The following AJUBA variants were observed in gnomAD, a reference collection of about 807,000 sequenced individuals.
The protein encoded by AJUBA is LIM domain-containing protein ajuba.
Under a neutral mutation model 53.3 loss-of-function variants are expected in AJUBA, and 20 were observed. That is an observed-to-expected ratio of 0.38 (90% CI 0.26 to 0.55). The LOEUF (loss-of-function observed/expected upper bound fraction) is 0.55, where lower values mean the gene tolerates loss of function less well. Ranked by LOEUF, AJUBA falls within the 20% of genes least tolerant of loss-of-function variation. The probability of loss-of-function intolerance (pLI) is 0.80; values close to 1 mark genes in which losing one functional copy is unlikely to be tolerated. For synonymous variants in AJUBA, 296 were observed against 306.2 expected (o/e 0.97, Z 0.35); for missense variants, 580 against 730.5 (o/e 0.79, Z 2.38).
intron 1 of AJUBA, among the ~76,000 whole-genome samples, chr14:22,980,032 A>C (rs151030168): frequency 0.011 from 1,639 of 151,992 alleles, 34 homozygotes; most frequent in African/African-American, 0.038. Flanking sequence ...TTATGCCCTT[A>C]TAGCCTGCCG....
chr14:22,974,561 T>C, intron 6 of AJUBA: 2 of 480,452 alleles, frequency 4.2e-6, no homozygotes, highest in Non-Finnish European at 7.5e-6. Context: ...TTCCAGCCCC[T>C]ACATCTGCAG....
rs112005383 is a variant in AJUBA, at chr14:22,975,847, C to CA, written c.1239+608dup. On this transcript the variant is annotated intron_variant, in intron 4 of 7. Coordinates refer to ENST00000262713, the MANE Select transcript of AJUBA (RefSeq NM_032876.6). ...TGGGCAACAGAGTGAGACTCCATCT[C>CA]AAAAAAAAAAAAAAGAAGACGACTC... The CA allele has an allele frequency of 6.4e-3, 668 of 104,878 alleles. 4 individuals are homozygous for CA. The highest frequency in any genetic ancestry group is 0.011 in the African/African-American group (274 of 25,356). 6.5% of individuals were successfully genotyped at this position (104,878 alleles called of 1,614,324 possible). A position where few individuals can be genotyped will look rare whatever the true frequency, so the allele number is the denominator to read the frequency against.
In AJUBA at chr14:22,974,553, C is replaced by T. The variant is rs2045015947; in HGVS notation, c.1422+286G>A. The T allele has an allele frequency of 6.4e-6, 3 of 469,926 alleles. No homozygotes were observed. The South Asian group carries it at 8.9e-5, about 14-fold the overall frequency. 29.1% of individuals were successfully genotyped at this position (469,926 alleles called of 1,614,324 possible). On this transcript the variant is annotated intron_variant, in intron 6 of 7. Coordinates refer to ENST00000262713, the MANE Select transcript of AJUBA (RefSeq NM_032876.6). Reference sequence around the variant, plus strand: ...TGCTGAGGATTCTTCCCACCTTTTTCCAGCCCCTACATCTGCAGTCTGGTG... The same window carrying T: ...TGCTGAGGATTCTTCCCACCTTTTTTCAGCCCCTACATCTGCAGTCTGGTG...
rs774662572 is a variant in AJUBA at position 22,974,829 on chromosome 14, A to C, written c.1422+10T>G. 6.2e-6 allele frequency: 10 copies of C among 1,610,578 alleles called. No individual in the cohort carries two copies. The South Asian group carries it at 1.1e-4, about 18-fold the overall frequency. On this transcript the variant is annotated intron_variant, in intron 6 of 7. Coordinates refer to ENST00000262713, the MANE Select transcript of AJUBA (RefSeq NM_032876.6). ...CTGGCTGCCCTGAAGGAGAACCCAG[A>C]CATACTGACCTCAGAGGGGAGGATG...
chr14:22,981,111 G>A, intron 1 of AJUBA, 150 bp downstream of exon 1: 1 of 988,282 alleles, frequency 1.0e-6, no homozygotes, highest in Non-Finnish European at 1.5e-6. Flanking sequence ...CAGTGCTCTG[G>A]GGCCGCCCCC....
rs752261469 is a variant in AJUBA at position 22,975,074 on chromosome 14, G to T, written c.1270C>A (p.Pro424Thr). ...CAAACAATGCATCGGAAACAGCCTG[G>T]ATGATAGGACTTCCCCATTGCTTGT... The part of the protein sequence containing the change: ...ILQAMGKSYH[P>T]GCFRCIVCNK... Residue 424 changes from proline to threonine, a missense_variant, in exon 5 of 8, where the codon CCA (proline) becomes ACA (threonine). Pro to Thr is a conservative substitution (Grantham distance 38, BLOSUM62 -1). This residue lies in a region of AJUBA where 150 missense variants were observed against 259.0 expected (regional missense o/e 0.58). Transcript: ENST00000262713. 1.2e-6 allele frequency: 2 copies of T among 1,613,814 alleles called. No individual in the cohort carries two copies. Among genetic ancestry groups the T allele is most frequent in the Non-Finnish European group, 1.7e-6 (2 of 1,179,902 alleles).
chr14:22,974,764 C>G, intron 6 of AJUBA, 75 bp downstream of exon 6: 7 of 1,497,002 alleles, frequency 4.7e-6, no homozygotes. Flanking sequence ...GGCAGGAGGC[C>G]AGGCAGCATG....
chr14:22,976,148 CAAAAA>C (rs1214094875), intron 4 of AJUBA, among the ~76,000 whole-genome samples: 1 of 83,398 alleles, frequency 1.2e-5, no homozygotes, highest in African/African-American at 4.5e-5. Flanking sequence ...GACTCTGTCT[CAAAAA>C]AAAAAAAAAA....
chr14:22,978,216 G>T, intron 2 of AJUBA, 128 bp downstream of exon 2: 1 of 866,780 alleles, frequency 1.2e-6, no homozygotes, highest in Non-Finnish European at 1.8e-6. Flanking sequence ...CCAGACACTT[G>T]GTGGGGATCC....
Position 22,982,448 on chromosome 14 carries a change from G to T in AJUBA, c.-182C>A. The T allele has an allele frequency of 7.0e-7, 1 of 1,430,524 alleles. No individual in the cohort carries two copies. The highest frequency in any genetic ancestry group is 3.0e-5 in the Admixed American group (1 of 33,848). 88.6% of individuals were successfully genotyped at this position (1,430,524 alleles called of 1,614,324 possible). ...CCCACAGCATCCCCCAGCGGGAGGG[G>T]CTGCGTCCCCCCGCGCATCTGGGGC... On this transcript the variant is annotated 5_prime_UTR_variant, in exon 1 of 8. Coordinates refer to ENST00000262713, the MANE Select transcript of AJUBA (RefSeq NM_032876.6).
rs767483160 is a variant in AJUBA, at chr14:22,982,109, G to T, written c.158C>A (p.Thr53Asn). 2.5e-6 allele frequency: 4 copies of T among 1,597,768 alleles called. No homozygotes were observed. In the East Asian group the frequency reaches 8.9e-5, roughly 36 times the overall value. Residue 53 changes from threonine (T) to asparagine (N), a missense_variant, in exon 1 of 8, where the codon ACT becomes AAT. Transcript: ENST00000262713. ...CAACGGCTCATCCCCAGGTCCCCCA[G>T]TAGCTCCTCGGGGCCCTGACTTCCT... is the stretch of plus-strand genomic sequence containing the variant. ...GPRKSGPRGATGGPGDEPLEP... is the reference protein window; with the variant it reads ...GPRKSGPRGANGGPGDEPLEP...
Position 22,973,352 on chromosome 14 carries a change from A to C in AJUBA, c.*91T>G. On this transcript the variant is annotated 3_prime_UTR_variant, in exon 8 of 8. Coordinates refer to ENST00000262713, the MANE Select transcript of AJUBA (RefSeq NM_032876.6). ...CAGAGGACTCTTCTGCCAGGCCTGC[A>C]GAGTGCATTCTTTGCCTTGGCTGGC... 2 of 1,528,626 alleles carry C rather than the reference A, an allele frequency of 1.3e-6. No homozygotes were observed. The highest frequency in any genetic ancestry group is 1.8e-6 in the Non-Finnish European group (2 of 1,131,186). The allele number at this position is 1,528,626 out of a possible 1,614,324, so 94.7% of individuals were successfully genotyped here. A position where few individuals can be genotyped will look rare whatever the true frequency, so the allele number is the denominator to read the frequency against.
rs1348075372 is a variant in AJUBA, at chr14:22,979,669, A to T, written c.1007-1224T>A. The stretch of plus-strand genomic sequence containing the variant: ...AGATCTGCCCCAAGATTGCCATGCC[A>T]GGGGGTCCTGTCGGAGCCATTCTTT... On this transcript the variant is annotated intron_variant, in intron 1 of 7. Transcript: ENST00000262713. The surrounding 1 kb of genome is among the most constrained non-coding windows in gnomAD (Gnocchi z 4.0). Among the ~76,000 whole-genome samples the T allele has an allele frequency of 2.6e-5, 4 of 152,184 alleles. No homozygotes were observed. Among genetic ancestry groups the T allele is most frequent in the Non-Finnish European group, 5.9e-5 (4 of 68,032 alleles).
At position 22,974,878 on chromosome 14, in the gene AJUBA, A is replaced by C. The variant is rs2045019951; in HGVS notation, c.1383T>G (p.Pro461=). The C allele has an allele frequency of 6.2e-7, 1 of 1,613,562 alleles. No individual in the cohort carries two copies. The highest frequency in any genetic ancestry group is 1.7e-5 in the Admixed American group (1 of 59,978). Reference sequence around the variant, plus strand: ...TGGGTTGGCCACAGGCTGCACACTTAGGAGCATAATTTCTGAAAGAGAGAG... The same window carrying C: ...TGGGTTGGCCACAGGCTGCACACTTCGGAGCATAATTTCTGAAAGAGAGAG... The part of the protein sequence containing the change: ...CVTDYHKNYA[P]KCAACGQPIL... The change falls in exon 6 of 8, where the codon CCT becomes CCG. Residue 461 remains proline, a synonymous_variant. Transcript: ENST00000262713.
In AJUBA at chr14:22,979,951, T is replaced by C. The variant is rs1445378911; in HGVS notation, c.1006+1310A>G. Among the ~76,000 whole-genome samples the C allele has an allele frequency of 1.3e-5, 2 of 150,890 alleles. No homozygotes were observed. Among genetic ancestry groups the C allele is most frequent in the East Asian group, 3.9e-4 (2 of 5,110 alleles). ...CCTTGATCAAAGCGGTTTGGCATCA[T>C]CTCCTCTGGGCTTTCCTCTCGGTGG... On this transcript the variant is annotated intron_variant, in intron 1 of 7. Coordinates refer to ENST00000262713, the MANE Select transcript of AJUBA (RefSeq NM_032876.6). This position sits in a 1 kb window ranked among gnomAD's most constrained non-coding sequence, Gnocchi z 4.0.
chr14:22,978,054 G>A (rs2045053773), intron 2 of AJUBA, among the ~76,000 whole-genome samples: 1 of 151,740 alleles, frequency 6.6e-6, no homozygotes, highest in Non-Finnish European at 1.5e-5. Context: ...GGAGGGCCAG[G>A]CAAGTCCAGG....
chr14:22,979,947 A>T lies in AJUBA; in HGVS notation c.1006+1314T>A, dbSNP rs1301953045. ...TCTTCCTTGATCAAAGCGGTTTGGC[A>T]TCATCTCCTCTGGGCTTTCCTCTCG... On this transcript the variant is annotated intron_variant, in intron 1 of 7. Transcript: ENST00000262713. This position sits in a 1 kb window ranked among gnomAD's most constrained non-coding sequence, Gnocchi z 4.0. Among the ~76,000 whole-genome samples the T allele has an allele frequency of 1.3e-5, 2 of 150,156 alleles. No homozygotes were observed. The highest frequency in any genetic ancestry group is 3.0e-5 in the Non-Finnish European group (2 of 67,708).
In AJUBA at chr14:22,982,115, C is replaced by T; in HGVS notation, c.152G>A (p.Gly51Glu). ...LGGPRKSGPR[G>E]ATGGPGDEPL... ...CTCATCCCCAGGTCCCCCAGTAGCT[C>T]CTCGGGGCCCTGACTTCCTAGGTCC... Residue 51 changes from glycine (G) to glutamate (E), a missense_variant, in exon 1 of 8, where the codon GGA becomes GAA. By Grantham distance (98) the Gly-to-Glu change is moderately conservative (BLOSUM62 -2). Coordinates refer to ENST00000262713, the MANE Select transcript of AJUBA (RefSeq NM_032876.6). The T allele has an allele frequency of 1.9e-6, 3 of 1,601,142 alleles. No homozygotes were observed. The highest frequency in any genetic ancestry group is 1.1e-5 in the South Asian group (1 of 89,484).
intron 7 of AJUBA, 95 bp from the exon 8 acceptor site, chr14:22,973,663 A>G (rs1410169639): frequency 1.3e-6 from 2 of 1,512,962 alleles, no homozygotes; most frequent in Admixed American, 3.9e-5. Flanking sequence ...GACTCCTAAT[A>G]ACTGGAAGAA....
Sources: allele counts gnomAD v4.1 joint callset (sites outside exome capture counted in the v4.1 genomes callset), GRCh38; gene constraint gnomAD v4.1.1; regional missense constraint gnomAD v4.1.1; non-coding constraint Gnocchi (gnomAD v3.1); transcripts MANE v1.5; gene names NCBI Gene and HGNC (gene_info 2026-07-23, HGNC 2026-07-21).